The following TG variants were observed in gnomAD, a reference collection of about 807,000 sequenced individuals.
The protein encoded by TG is thyroid hormones.
In TG, 270 loss-of-function variants were observed where a neutral mutation model predicts 324.7. That is an observed-to-expected ratio of 0.83 (90% CI 0.75 to 0.92). TG has a LOEUF of 0.92. TG is among the 40% of genes least tolerant of loss of function. The probability of loss-of-function intolerance (pLI) is 0.00; values close to 1 mark genes in which losing one functional copy is unlikely to be tolerated. For synonymous variants in TG, 1,401 were observed against 1,327.0 expected, an observed-to-expected ratio of 1.06 and a Z score of -1.21; for missense variants, 3,591 against 3,456.4, an observed-to-expected ratio of 1.04 and a Z score of -0.98.
intron 10 of TG, among the ~76,000 whole-genome samples, chr8:132,893,205 GTA>G (rs1473920005): frequency 3.2e-5 from 4 of 125,728 alleles, no homozygotes; most frequent in African/African-American, 9.0e-5. Context: ...TGTGTGGTGT[GTA>G]TGTGTGTGTG....
At chr8:132,898,299 G>C (rs1473392573) in intron 13 of TG, 53 bp downstream of exon 13, 11 of 1,520,204 alleles carry the variant, frequency 7.2e-6, no homozygotes, top group Admixed American at 2.0e-5. Context: ...GGGCATCACT[G>C]GTCTAGTCAG....
chr8:132,970,751 G>A (rs1185344592), intron 32 of TG, among the ~76,000 whole-genome samples: 7 of 152,162 alleles, frequency 4.6e-5, no homozygotes, highest in East Asian at 1.9e-4. Context: ...TAGATTGTGC[G>A]TCTGGACTCA....
chr8:132,895,389 G>C (rs1443518960), intron 11 of TG, among the ~76,000 whole-genome samples: 1 of 152,236 alleles, frequency 6.6e-6, no homozygotes, highest in Non-Finnish European at 1.5e-5. Context: ...GCGTGGGATT[G>C]GGTCTCAGTG....
intron 23 of TG, 128 bp downstream of exon 23, chr8:132,929,320 A>G (rs1822347877): frequency 1.3e-6 from 1 of 744,842 alleles, no homozygotes; most frequent in Non-Finnish European, 2.3e-6. Flanking sequence ...CAAAAACACT[A>G]TAAATGAATT....
At position 132,961,093 on chromosome 8, in the gene TG, A is replaced by AG; in HGVS notation, c.5467+25dup. 6.2e-7 allele frequency: 1 copy of AG among 1,613,648 alleles called. No individual in the cohort carries two copies. Among genetic ancestry groups the AG allele is most frequent in the Non-Finnish European group, 8.5e-7 (1 of 1,179,616 alleles). On this transcript the variant is annotated intron_variant, in intron 28 of 47. Transcript: ENST00000220616. ...GGAAAGGTGAGCTCCGTGGTGGAAG[A>AG]GGGGGTTAGCAGGACGCTGATTACA...
chr8:132,958,461 T>A (rs1827258544), intron 27 of TG, among the ~76,000 whole-genome samples: 1 of 152,320 alleles, frequency 6.6e-6, no homozygotes, highest in Admixed American at 6.5e-5. Flanking sequence ...GGCTCACACC[T>A]GTAATCCCAG....
At chr8:133,113,292 C>T in intron 43 of TG, 130 bp from the exon 44 acceptor site, 1 of 1,026,730 alleles carries the variant, frequency 9.7e-7, no homozygotes, top group Non-Finnish European at 1.5e-6. Flanking sequence ...GACAGTCTGG[C>T]TTCCACTTGT....
Position 132,868,148 on chromosome 8 carries a change from GT to G in TG, c.102del (p.Cys34TrpfsTer10). On this transcript the variant is annotated frameshift_variant, in exon 2 of 48. Transcript: ENST00000220616. LOFTEE classifies it high-confidence loss of function. Reference protein sequence around the residue: ...YQVDAQPLRPCELQRETAFLK... With the variant: ...YQVDAQPLRPXELQRETAFLK... Reference sequence around the variant, plus strand: ...GTGGATGCCCAGCCCCTTCGTCCCTGTGAGCTGCAGAGGGAAACGGCCTTTC... The same window carrying G: ...GTGGATGCCCAGCCCCTTCGTCCCTGGAGCTGCAGAGGGAAACGGCCTTTC... The G allele has an allele frequency of 6.2e-7, 1 of 1,614,156 alleles. No homozygotes were observed. The highest frequency in any genetic ancestry group is 8.5e-7 in the Non-Finnish European group (1 of 1,180,012).
chr8:133,003,413 T>TA (rs1274963717), intron 35 of TG, among the ~76,000 whole-genome samples: 1 of 151,178 alleles, frequency 6.6e-6, no homozygotes, highest in African/African-American at 2.4e-5. Context: ...GATACTTATT[T>TA]TTTTTTTTTT....
rs77047672 is a variant in TG, at chr8:132,947,592, A to G, written c.5234-1184A>G. The stretch of plus-strand genomic sequence containing the variant: ...ATCCAGATTGGACATAAATTAGGAA[A>G]TTAGAATGAGGAATGGAGTAGGAGT... On this transcript the variant is annotated intron_variant, in intron 26 of 47. Transcript: ENST00000220616. 8.4e-4 allele frequency among the ~76,000 whole-genome samples: 128 copies of G among 152,258 alleles called. No individual in the cohort carries two copies. The East Asian group carries it at 0.022, about 27-fold the overall frequency.
chr8:132,951,931 A>G (rs752912597), intron 27 of TG, among the ~76,000 whole-genome samples: 1 of 152,214 alleles, frequency 6.6e-6, no homozygotes, highest in African/African-American at 2.4e-5. Flanking sequence ...GATTCTGGGT[A>G]CAGGAACAGT....
At position 132,963,005 on chromosome 8, in the gene TG, G is replaced by C; in HGVS notation, c.5479G>C (p.Gly1827Arg). 6.2e-7 allele frequency: 1 copy of C among 1,613,856 alleles called. No homozygotes were observed. The highest frequency in any genetic ancestry group is 8.5e-7 in the Non-Finnish European group (1 of 1,179,860). The part of the protein sequence containing the change: ...QVYLWKDSDM[G>R]SRPESMGCRK... ...TTTTTTCCTCCTAGATTCTGACATG[G>C]GGTCTCGGCCTGAGTCTATGGGATG... Residue 1827 changes from glycine (G) to arginine (R), a missense_variant, in exon 29 of 48, where the codon GGG becomes CGG. Coordinates refer to ENST00000220616, the MANE Select transcript of TG (RefSeq NM_003235.5).
At position 132,887,060 on chromosome 8, in the gene TG, A is replaced by G; in HGVS notation, c.1688A>G (p.Asn563Ser). ...GFEINLQENQNALKFLASLLE... is the reference protein window; with the variant it reads ...GFEINLQENQSALKFLASLLE... The stretch of plus-strand genomic sequence containing the variant: ...GAAATTAACCTACAAGAGAACCAAA[A>G]TGCCCTCAAATTCCTTGCTTCTCTC... The change falls in exon 9 of 48, where the codon AAT becomes AGT. Residue 563 changes from asparagine (N) to serine (S), a missense_variant. Physicochemically the swap from Asn to Ser is conservative, Grantham distance 46. Coordinates refer to ENST00000220616, the MANE Select transcript of TG (RefSeq NM_003235.5). 6.2e-7 allele frequency: 1 copy of G among 1,614,188 alleles called. No homozygotes were observed. Among genetic ancestry groups the G allele is most frequent in the South Asian group, 1.1e-5 (1 of 91,080 alleles).
intron 26 of TG, among the ~76,000 whole-genome samples, chr8:132,946,789 C>T (rs1371568220): frequency 6.6e-6 from 1 of 152,142 alleles, no homozygotes; most frequent in Admixed American, 6.5e-5. Flanking sequence ...GCAACTGAAG[C>T]TAAGCTGGCA....
intron 24 of TG, 143 bp downstream of exon 24, chr8:132,933,819 A>G (rs1823157095): frequency 2.6e-6 from 2 of 783,458 alleles, no homozygotes. Context: ...CTTCAAAGCA[A>G]TGGGACTTTG....
At chr8:133,059,270 G>C in intron 41 of TG, 1 of 382,782 alleles carries the variant, frequency 2.6e-6, no homozygotes, top group South Asian at 1.9e-5. Context: ...GTGCCCCCTG[G>C]CTTCCCTAAC....
chr8:132,936,264 G>C (rs1385857926), intron 25 of TG, among the ~76,000 whole-genome samples: 1 of 152,224 alleles, frequency 6.6e-6, no homozygotes, highest in Non-Finnish European at 1.5e-5. Flanking sequence ...CCAAGAGGCT[G>C]GGCAAACTGC....
At chr8:132,984,201 C>T (rs1831247450) in intron 35 of TG, among the ~76,000 whole-genome samples, 1 of 152,158 alleles carries the variant, frequency 6.6e-6, no homozygotes, top group Admixed American at 6.5e-5. Context: ...TCTAAGGGGC[C>T]CTAGAAATCT....
chr8:132,991,751 C>T (rs1467161471), intron 35 of TG, among the ~76,000 whole-genome samples: 3 of 152,072 alleles, frequency 2.0e-5, no homozygotes, highest in African/African-American at 7.2e-5. Flanking sequence ...ACTCCCAAGC[C>T]AGGATCCACA....
Sources: allele counts gnomAD v4.1 joint callset (sites outside exome capture counted in the v4.1 genomes callset), GRCh38; gene constraint gnomAD v4.1.1; transcripts MANE v1.5; gene names NCBI Gene and HGNC (gene_info 2026-07-23, HGNC 2026-07-21).